ADAMTS18: variants seen among roughly 807,000 people sequenced by gnomAD.
ADAMTS18 encodes the protein A disintegrin and metalloproteinase with thrombospondin motifs 18.
In ADAMTS18, 157 loss-of-function variants were observed where a neutral mutation model predicts 165.9. That is an observed-to-expected ratio of 0.95 (90% CI 0.83 to 1.08). The LOEUF (loss-of-function observed/expected upper bound fraction) is 1.08, where lower values mean the gene tolerates loss of function less well. Among genes scored for constraint, ADAMTS18 ranks in the 50% least tolerant of loss-of-function variants. The pLI is 0.00. For synonymous variants in ADAMTS18, 782 were observed against 578.2 expected (o/e 1.35, Z -5.06); for missense variants, 2,040 against 1,534.0 (o/e 1.33, Z -5.51).
At chr16:77,285,106 G>T (rs2055222726) in intron 22 of ADAMTS18, among the ~76,000 whole-genome samples, 1 of 152,166 alleles carries the variant, frequency 6.6e-6, no homozygotes, top group Non-Finnish European at 1.5e-5. Flanking sequence ...TGGGCCTCAG[G>T]AGATAGGAAA....
intron 3 of ADAMTS18, among the ~76,000 whole-genome samples, chr16:77,405,283 C>T (rs937290343): frequency 3.3e-5 from 5 of 152,148 alleles, no homozygotes; most frequent in Non-Finnish European, 5.9e-5. Context: ...CAAACTGAAA[C>T]AGCAGAATCC....
rs751432418 is a variant in ADAMTS18 at position 77,363,792 on chromosome 16, T to G, written c.1056+10A>C. ...ACTGAATGAAGACATAAATGAAGTT[T>G]GCCACTTACAGGTTCTTGTTCCAGA... is the stretch of plus-strand genomic sequence containing the variant. On this transcript the variant is annotated intron_variant, in intron 6 of 22. Coordinates refer to ENST00000282849, the MANE Select transcript of ADAMTS18 (RefSeq NM_199355.4). 2 of 1,612,788 alleles carry G rather than the reference T, an allele frequency of 1.2e-6. No homozygotes were observed. The highest frequency in any genetic ancestry group is 3.3e-5 in the Admixed American group (2 of 59,998).
intron 16 of ADAMTS18, among the ~76,000 whole-genome samples, chr16:77,304,110 C>T (rs1312055550): frequency 6.6e-6 from 1 of 152,230 alleles, no homozygotes; most frequent in African/African-American, 2.4e-5. Context: ...ATCACATTAT[C>T]ATCTAAAGAA....
At chr16:77,405,176 T>G (rs1272280807) in intron 3 of ADAMTS18, among the ~76,000 whole-genome samples, 2 of 152,160 alleles carry the variant, frequency 1.3e-5, no homozygotes, top group East Asian at 1.9e-4. Context: ...TGTGGACTCC[T>G]CAGACACATG....
intron 10 of ADAMTS18, among the ~76,000 whole-genome samples, chr16:77,346,596 C>A (rs372511211): frequency 2.6e-5 from 4 of 152,262 alleles, no homozygotes; most frequent in East Asian, 3.9e-4. Context: ...TGACTATCTC[C>A]TCAACATGCT....
At chr16:77,415,692 A>G (rs573843952) in intron 3 of ADAMTS18, among the ~76,000 whole-genome samples, 1 of 144,882 alleles carries the variant, frequency 6.9e-6, no homozygotes, top group African/African-American at 2.6e-5. Flanking sequence ...CTTCAACGTT[A>G]TCAGATGACT....
At chr16:77,300,210 G>C in intron 17 of ADAMTS18, 53 bp downstream of exon 17, 4 of 1,608,244 alleles carry the variant, frequency 2.5e-6, no homozygotes, top group Admixed American at 1.7e-5. Flanking sequence ...TGGAGTGAAA[G>C]AACCTGTTTT....
intron 10 of ADAMTS18, among the ~76,000 whole-genome samples, chr16:77,342,578 A>G (rs1185314222): frequency 6.6e-6 from 1 of 152,176 alleles, no homozygotes; most frequent in African/African-American, 2.4e-5. Context: ...AGCATGAGCC[A>G]CCAGGCCTGG....
intron 16 of ADAMTS18, 27 bp downstream of exon 16, chr16:77,319,822 A>G (rs2055956102): frequency 6.2e-7 from 1 of 1,613,784 alleles, no homozygotes; most frequent in Admixed American, 1.7e-5. Flanking sequence ...AGAAGCACTG[A>G]GAACTGAATA....
chr16:77,342,899 CAG>C (rs576681774), intron 10 of ADAMTS18, among the ~76,000 whole-genome samples: 1 of 152,082 alleles, frequency 6.6e-6, no homozygotes, highest in South Asian at 2.1e-4. Context: ...AGAAGAGAAC[CAG>C]AGAGATGACA....
chr16:77,339,794 T>C (rs1567496531), intron 11 of ADAMTS18, among the ~76,000 whole-genome samples: 1 of 152,152 alleles, frequency 6.6e-6, no homozygotes, highest in Non-Finnish European at 1.5e-5. Context: ...CACTATCGGA[T>C]TAAAAATTGC....
At chr16:77,291,049 C>T in intron 21 of ADAMTS18, 1 of 519,120 alleles carries the variant, frequency 1.9e-6, no homozygotes, top group South Asian at 2.2e-5. Context: ...AACAAATCAA[C>T]TCTCCCAGAT....
chr16:77,351,293 T>G (rs886321995), intron 10 of ADAMTS18, among the ~76,000 whole-genome samples: 1 of 152,350 alleles, frequency 6.6e-6, no homozygotes, highest in Non-Finnish European at 1.5e-5. Flanking sequence ...TCACCTTCCC[T>G]GTCCTTGTTT....
intron 3 of ADAMTS18, among the ~76,000 whole-genome samples, chr16:77,388,879 G>T (rs542319660): frequency 6.6e-6 from 1 of 152,148 alleles, no homozygotes; most frequent in South Asian, 2.1e-4. Flanking sequence ...AGTGTTTGTC[G>T]ATTTAATGAC....
intron 3 of ADAMTS18, among the ~76,000 whole-genome samples, chr16:77,392,683 T>C (rs892694769): frequency 3.9e-5 from 6 of 152,166 alleles, no homozygotes; most frequent in African/African-American, 1.4e-4. Context: ...CCGAGCCCTG[T>C]TCCTAGCATA....
At chr16:77,287,864 G>C (rs2055285145) in intron 22 of ADAMTS18, among the ~76,000 whole-genome samples, 1 of 152,136 alleles carries the variant, frequency 6.6e-6, no homozygotes, top group South Asian at 2.1e-4. Context: ...CTGTAACACT[G>C]TGAATATTCC....
chr16:77,334,775 TATA>T lies in ADAMTS18; in HGVS notation c.1859+978_1859+980del, dbSNP rs1339659845. On this transcript the variant is annotated intron_variant, in intron 12 of 22. Coordinates refer to ENST00000282849, the MANE Select transcript of ADAMTS18 (RefSeq NM_199355.4). ...ATACTATAGTATACAGTATATATAC[TATA>T]GTATACAGTAAATATACTATATACT... Among the ~76,000 whole-genome samples the T allele has an allele frequency of 3.8e-4, 41 of 107,794 alleles. No homozygotes were observed. The East Asian group carries it at 4.1e-3, about 11-fold the overall frequency. The allele number at this position is 107,794 out of a possible 152,430, so 70.7% of individuals were successfully genotyped here. A position where few individuals can be genotyped will look rare whatever the true frequency, so the allele number is the denominator to read the frequency against.
At chr16:77,364,008 C>T in intron 5 of ADAMTS18, 123 bp from the exon 6 acceptor site, 1 of 1,208,840 alleles carries the variant, frequency 8.3e-7, no homozygotes, top group African/African-American at 1.5e-5. Flanking sequence ...CATATAAATA[C>T]AATTTCCTCA....
chr16:77,305,947 G>A (rs1304119378), intron 16 of ADAMTS18, among the ~76,000 whole-genome samples: 2 of 152,168 alleles, frequency 1.3e-5, no homozygotes, highest in African/African-American at 4.8e-5. Flanking sequence ...GTCAAGAGTA[G>A]TCCATTGCTT....
Sources: gnomAD v4.1 joint callset for allele counts (sites outside exome capture counted in the v4.1 genomes callset) on GRCh38, gnomAD v4.1.1 for gene constraint, MANE v1.5 for transcripts, NCBI Gene and HGNC (gene_info 2026-07-23, HGNC 2026-07-21) for gene names.